PICK1: variants seen among roughly 807,000 people sequenced by gnomAD.
The protein encoded by PICK1 is protein interacting with PRKCA 1, also known as PRKCA-binding protein.
PICK1 carries 23 observed loss-of-function variants against 48.9 expected under a neutral mutation model. The ratio of observed to expected loss-of-function variants is 0.47; its 90% CI spans 0.34 to 0.67. PICK1 has a LOEUF of 0.67. Among genes scored for constraint, PICK1 ranks in the 30% least tolerant of loss-of-function variants. The pLI, the probability that PICK1 is intolerant of heterozygous loss-of-function variation, is 0.01. For synonymous variants in PICK1, 217 were observed against 228.2 expected, an observed-to-expected ratio of 0.95 and a Z score of 0.44; for missense variants, 423 against 557.1, an observed-to-expected ratio of 0.76 and a Z score of 2.42.
At position 38,073,479 on chromosome 22, in the gene PICK1, G is replaced by A. The variant is rs2085752099; in HGVS notation, c.784-294G>A. 6.6e-6 allele frequency among the ~76,000 whole-genome samples: 1 copy of A among 152,230 alleles called. No homozygotes were observed. Among genetic ancestry groups the A allele is most frequent in the Admixed American group, 6.5e-5 (1 of 15,292 alleles). ...AGCAAGCCAAGGTTCCTTTGCTGCA[G>A]GACTTATCAGAGCCTTTGCTAGGCT... On this transcript the variant is annotated intron_variant, in intron 10 of 12. Transcript: ENST00000356976. The surrounding 1 kb of genome is among the most constrained non-coding windows in gnomAD (Gnocchi z 5.7).
intron 3 of PICK1, among the ~76,000 whole-genome samples, chr22:38,063,924 T>A (rs2085465420): frequency 6.6e-6 from 1 of 152,232 alleles, no homozygotes; most frequent in Non-Finnish European, 1.5e-5. Context: ...TTTTTGTTAC[T>A]TGGATCTTAG....
At position 38,073,155 on chromosome 22, in the gene PICK1, C is replaced by T. The variant is rs2085744535; in HGVS notation, c.783+63C>T. On this transcript the variant is annotated intron_variant, in intron 10 of 12. Transcript: ENST00000356976. This position sits in a 1 kb window ranked among gnomAD's most constrained non-coding sequence, Gnocchi z 5.7. ...CCCACCCTGGAGATCTGCCCCACTT[C>T]AGTCAGCCATGCTGCGGCCAGCGAG... 3.6e-6 allele frequency: 4 copies of T among 1,105,104 alleles called. No individual in the cohort carries two copies. The highest frequency in any genetic ancestry group is 1.7e-5 in the Admixed American group (1 of 59,250). 68.5% of individuals were successfully genotyped at this position (1,105,104 alleles called of 1,614,324 possible).
In PICK1 at chr22:38,075,439, CTTGGAGGTGG is replaced by C; in HGVS notation, c.*308_*317del. ...GGAGGGCAGGAAGGAAAAGAAAGGACTTGGAGGTGGCAGGAGTCCGAGCCCTGCTCCTTGT... is the reference window on the plus strand; with the variant it reads ...GGAGGGCAGGAAGGAAAAGAAAGGACCAGGAGTCCGAGCCCTGCTCCTTGT... On this transcript the variant is annotated 3_prime_UTR_variant, in exon 13 of 13. Transcript: ENST00000356976. 8.2e-6 allele frequency: 3 copies of C among 367,716 alleles called. No individual in the cohort carries two copies. Among genetic ancestry groups the C allele is most frequent in the East Asian group, 4.5e-5 (1 of 22,412 alleles). 22.8% of individuals were successfully genotyped at this position (367,716 alleles called of 1,614,324 possible). A position where few individuals can be genotyped will look rare whatever the true frequency, so the allele number is the denominator to read the frequency against.
At position 38,073,980 on chromosome 22, in the gene PICK1, C is replaced by T. The variant is rs1170463630; in HGVS notation, c.834+157C>T. 1.3e-6 allele frequency: 1 copy of T among 765,886 alleles called. No homozygotes were observed. 47.4% of individuals were successfully genotyped at this position (765,886 alleles called of 1,614,324 possible). On this transcript the variant is annotated intron_variant, in intron 11 of 12. Coordinates refer to ENST00000356976, the MANE Select transcript of PICK1 (RefSeq NM_012407.4). This position sits in a 1 kb window ranked among gnomAD's most constrained non-coding sequence, Gnocchi z 5.7. ...ATCTTCCCAGTCCCGCTCGCTGGGC[C>T]TCGGGGTGCTGGGCACCCGGCCGGG...
Position 38,066,515 on chromosome 22 carries a change from C to T in PICK1, c.283-1189C>T, listed in dbSNP as rs1033977133. ...CTGTTTGGGTGCTGGGCAGGGATTA[C>T]TCTCCCATCTTACAGGTGTCCACAG... On this transcript the variant is annotated intron_variant, in intron 4 of 12. Transcript: ENST00000356976. The surrounding 1 kb of genome is among the most constrained non-coding windows in gnomAD (Gnocchi z 4.1). Among the ~76,000 whole-genome samples the T allele has an allele frequency of 4.6e-5, 7 of 152,202 alleles. No homozygotes were observed. The highest frequency in any genetic ancestry group is 6.5e-5 in the Admixed American group (1 of 15,288).
At chr22:38,065,563 TTCC>T (rs1443278971) in intron 4 of PICK1, among the ~76,000 whole-genome samples, 6 of 152,122 alleles carry the variant, frequency 3.9e-5, no homozygotes, top group African/African-American at 1.2e-4. Context: ...AGAGTGCCCT[TTCC>T]CCATCCTGTA....
intron 5 of PICK1, chr22:38,068,197 T>A (rs2145872923): frequency 2.2e-6 from 1 of 452,630 alleles, no homozygotes; most frequent in South Asian, 1.6e-5. Context: ...TGCCATCAGC[T>A]CCCAGGGGGA....
intron 7 of PICK1, 61 bp downstream of exon 7, chr22:38,070,952 G>C: frequency 7.2e-7 from 1 of 1,394,448 alleles, no homozygotes. Flanking sequence ...GCTCTCAGCA[G>C]AGTGGCAACA....
chr22:38,068,828 C>T (rs915610803), intron 5 of PICK1, among the ~76,000 whole-genome samples: 6 of 152,206 alleles, frequency 3.9e-5, no homozygotes, highest in East Asian at 1.9e-4. Context: ...TCATGTTTAA[C>T]TGCCCAGGCT....
intron 5 of PICK1, 59 bp from the exon 6 acceptor site, chr22:38,068,974 G>A: frequency 7.2e-7 from 1 of 1,396,358 alleles, no homozygotes; most frequent in Non-Finnish European, 1.0e-6. Flanking sequence ...GGTAAGGCTG[G>A]GGGCAGGGAT....
chr22:38,074,766 G>C lies in PICK1; in HGVS notation c.980-98G>C. The C allele has an allele frequency of 1.3e-6, 2 of 1,492,524 alleles. No homozygotes were observed. Among genetic ancestry groups the C allele is most frequent in the South Asian group, 1.2e-5 (1 of 85,044 alleles). The allele number at this position is 1,492,524 out of a possible 1,614,324, so 92.5% of individuals were successfully genotyped here. On this transcript the variant is annotated intron_variant, in intron 12 of 12. Coordinates refer to ENST00000356976, the MANE Select transcript of PICK1 (RefSeq NM_012407.4). The surrounding 1 kb of genome is among the most constrained non-coding windows in gnomAD (Gnocchi z 4.5). ...GGGAAGTGCCCGAGTGGGAAGCCCA[G>C]GGGAGGCGAGAGGTGGGCCGGGTGG...
At chr22:38,067,083 G>C (rs954021163) in intron 4 of PICK1, among the ~76,000 whole-genome samples, 9 of 152,054 alleles carry the variant, frequency 5.9e-5, no homozygotes, top group African/African-American at 2.2e-4. Context: ...ACACGGCAAA[G>C]GCTTGGAGTG....
chr22:38,068,101 CCTCA>C (rs1569200256), intron 5 of PICK1: 2 of 499,284 alleles, frequency 4.0e-6, no homozygotes, highest in Admixed American at 4.6e-5. Context: ...TGGCCCAGGG[CCTCA>C]CTCTTCATAA....
rs1276478116 is a variant in PICK1 at position 38,059,340 on chromosome 22, G to T, written c.148G>T (p.Val50Phe). Residue 50 changes from valine to phenylalanine, a missense_variant, in exon 3 of 13, where the codon GTC becomes TTC. By Grantham distance (50) the Val-to-Phe change is conservative. Transcript: ENST00000356976. ...GAQYCPCLYI[V>F]QVFDNTPAAL... ...CCAGTACTGTCCCTGCCTCTATATC[G>T]TCCAGGTATTGGGCGCTTTGGAGGG... 1 of 1,555,396 alleles carries T rather than the reference G, an allele frequency of 6.4e-7. No homozygotes were observed. The highest frequency in any genetic ancestry group is 1.9e-5 in the Admixed American group (1 of 51,862).
chr22:38,071,826 CACAGCGCCTG>C, intron 8 of PICK1, 82 bp downstream of exon 8: 2 of 1,244,252 alleles, frequency 1.6e-6, no homozygotes, highest in Non-Finnish European at 1.2e-6. Flanking sequence ...GGGTCAGACC[CACAGCGCCTG>C]ACCTCAGGCT....
Position 38,075,211 on chromosome 22 carries a change from G to T in PICK1, c.*79G>T. 2 of 1,411,926 alleles carry T rather than the reference G, an allele frequency of 1.4e-6. No homozygotes were observed. The highest frequency in any genetic ancestry group is 2.4e-5 in the East Asian group (1 of 42,218). The allele number at this position is 1,411,926 out of a possible 1,614,324, so 87.5% of individuals were successfully genotyped here. A position where few individuals can be genotyped will look rare whatever the true frequency, so the allele number is the denominator to read the frequency against. On this transcript the variant is annotated 3_prime_UTR_variant, in exon 13 of 13. Transcript: ENST00000356976. ...GAGCGGGGCGGGGCCGCCGCGCAAGGGGGCGACGCATAAAGGCCTGCTGGC... is the reference window on the plus strand; with the variant it reads ...GAGCGGGGCGGGGCCGCCGCGCAAGTGGGCGACGCATAAAGGCCTGCTGGC...
In PICK1 at chr22:38,073,955, A is replaced by G. The variant is rs2085765631; in HGVS notation, c.834+132A>G. The G allele has an allele frequency of 5.3e-6, 5 of 943,390 alleles. No homozygotes were observed. The East Asian group carries it at 1.3e-4, about 24-fold the overall frequency. 58.4% of individuals were successfully genotyped at this position (943,390 alleles called of 1,614,324 possible). A position where few individuals can be genotyped will look rare whatever the true frequency, so the allele number is the denominator to read the frequency against. ...CTCTCGTTCCTGGAGATTTAGGGCC[A>G]TCTTCCCAGTCCCGCTCGCTGGGCC... On this transcript the variant is annotated intron_variant, in intron 11 of 12. Coordinates refer to ENST00000356976, the MANE Select transcript of PICK1 (RefSeq NM_012407.4). The surrounding 1 kb of genome is among the most constrained non-coding windows in gnomAD (Gnocchi z 5.7).
intron 3 of PICK1, 129 bp from the exon 4 acceptor site, chr22:38,064,873 A>T: frequency 9.3e-7 from 1 of 1,069,654 alleles, no homozygotes; most frequent in African/African-American, 1.6e-5. Flanking sequence ...CCGGGTGGTG[A>T]GACGCTTTCT....
chr22:38,065,231 C>T (rs755985147), intron 4 of PICK1, 101 bp downstream of exon 4: 132 of 1,146,764 alleles, frequency 1.2e-4, no homozygotes, highest in Non-Finnish European at 1.6e-4. Flanking sequence ...GGGTATCAGC[C>T]CTCACCGCCC....
Sources: gnomAD v4.1 joint callset for allele counts (sites outside exome capture counted in the v4.1 genomes callset) on GRCh38, gnomAD v4.1.1 for gene constraint, Gnocchi (gnomAD v3.1) non-coding constraint, MANE v1.5 for transcripts, NCBI Gene and HGNC (gene_info 2026-07-23, HGNC 2026-07-21) for gene names.